Variants in GSPT1 observed in about 807,000 individuals in gnomAD.
GSPT1 encodes G1 to S phase transition 1, also known as eukaryotic peptide chain release factor GTP-binding subunit ERF3A.
In GSPT1, 20 loss-of-function variants were observed where a neutral mutation model predicts 72.5. That is an observed-to-expected ratio of 0.28 (90% CI 0.19 to 0.40). GSPT1 has a LOEUF of 0.40. Among genes scored for constraint, GSPT1 ranks in the 10% least tolerant of loss-of-function variants. The pLI is 1.00. For missense variants in GSPT1, 580 were observed against 811.9 expected, an observed-to-expected ratio of 0.71 and a Z score of 3.47; for synonymous variants, 334 against 293.5, an observed-to-expected ratio of 1.14 and a Z score of -1.41.
At chr16:11,895,739 G>GT (rs1412882843) in intron 4 of GSPT1, 1 of 152,314 alleles carries the variant, frequency 6.6e-6, no homozygotes, top group African/African-American at 2.4e-5. Flanking sequence ...CAATTCTCCT[G>GT]CCTCAGCCTC....
chr16:11,889,786 G>A (rs1021015386), intron 6 of GSPT1, among the ~76,000 whole-genome samples: 2 of 150,218 alleles, frequency 1.3e-5, no homozygotes, highest in South Asian at 2.1e-4. Flanking sequence ...GATTACAGGC[G>A]TGAGACACTG....
intron 6 of GSPT1, among the ~76,000 whole-genome samples, chr16:11,890,416 T>C (rs970222903): frequency 3.9e-5 from 6 of 152,164 alleles, no homozygotes; most frequent in African/African-American, 1.2e-4. Context: ...CCATCCGTAA[T>C]AGTGGGCATT....
At chr16:11,891,275 A>G (rs2054255350) in intron 5 of GSPT1, 136 bp from the exon 6 acceptor site, 1 of 269,096 alleles carries the variant, frequency 3.7e-6, no homozygotes, top group African/African-American at 2.3e-5. Flanking sequence ...GTCTAAAAAA[A>G]TATAAAATAT....
At chr16:11,901,778 T>C (rs891636978) in intron 1 of GSPT1, among the ~76,000 whole-genome samples, 1 of 146,158 alleles carries the variant, frequency 6.8e-6, no homozygotes, top group Non-Finnish European at 1.5e-5. Flanking sequence ...GGTGAAAGAG[T>C]GAGACCCTGT....
At chr16:11,900,142 C>T (rs950074340) in intron 1 of GSPT1, among the ~76,000 whole-genome samples, 2 of 151,746 alleles carry the variant, frequency 1.3e-5, no homozygotes, top group South Asian at 4.2e-4. Flanking sequence ...AAGACCAACC[C>T]GGCCAACATG....
rs1567434167 is a variant in GSPT1 at position 11,876,066 on chromosome 16, A to G, written c.1692+20T>C. The G allele has an allele frequency of 1.3e-6, 2 of 1,532,276 alleles. No homozygotes were observed. The highest frequency in any genetic ancestry group is 1.8e-6 in the Non-Finnish European group (2 of 1,106,140). The allele number at this position is 1,532,276 out of a possible 1,614,324, so 94.9% of individuals were successfully genotyped here. On this transcript the variant is annotated intron_variant, in intron 13 of 14. Coordinates refer to ENST00000434724, the MANE Select transcript of GSPT1 (RefSeq NM_002094.4). ...TAAAACAGTATTAAAACAGAAATAA[A>G]CCAATTATCTTAAACTCACTGTTAT...
chr16:11,914,501 A>G (rs1407148797), intron 1 of GSPT1, among the ~76,000 whole-genome samples: 1 of 152,252 alleles, frequency 6.6e-6, no homozygotes, highest in Non-Finnish European at 1.5e-5. Flanking sequence ...CGTGAGAACT[A>G]TTAAATTATA....
In GSPT1 at chr16:11,870,874, C is replaced by G. The variant is rs896641741; in HGVS notation, c.*2245G>C. 1.3e-5 allele frequency: 2 copies of G among 152,166 alleles called. No individual in the cohort carries two copies. Among genetic ancestry groups the G allele is most frequent in the African/African-American group, 4.8e-5 (2 of 41,428 alleles). 9.4% of individuals were successfully genotyped at this position (152,166 alleles called of 1,614,324 possible). On this transcript the variant is annotated 3_prime_UTR_variant, in exon 15 of 15. Coordinates refer to ENST00000434724, the MANE Select transcript of GSPT1 (RefSeq NM_002094.4). Reference sequence around the variant, plus strand: ...CCCTTCACAGTTGATATCCAAGTTACTTAAGAGTCTTGGCAACATGCACAT... The same window carrying G: ...CCCTTCACAGTTGATATCCAAGTTAGTTAAGAGTCTTGGCAACATGCACAT...
At chr16:11,890,850 C>T (rs556507475) in intron 6 of GSPT1, 1 of 360,038 alleles carries the variant, frequency 2.8e-6, no homozygotes, top group South Asian at 5.2e-5. Flanking sequence ...ACAAGTCTAT[C>T]ACCAGATATA....
chr16:11,913,917 C>A (rs1362275240), intron 1 of GSPT1, among the ~76,000 whole-genome samples: 1 of 152,208 alleles, frequency 6.6e-6, no homozygotes, highest in Non-Finnish European at 1.5e-5. Flanking sequence ...CCAAATCAAC[C>A]GTGCTGACGT....
chr16:11,894,620 T>C lies in GSPT1; in HGVS notation c.698+334A>G, dbSNP rs145355528. 5.0e-4 allele frequency among the ~76,000 whole-genome samples: 76 copies of C among 152,320 alleles called. No homozygotes were observed. In the East Asian group the frequency reaches 0.01, roughly 20 times the overall value. Reference sequence around the variant, plus strand: ...AAGCTTTCAGAAACACATTTAACACTAGTAATAATCACATTACAAAAACTA... The same window carrying C: ...AAGCTTTCAGAAACACATTTAACACCAGTAATAATCACATTACAAAAACTA... On this transcript the variant is annotated intron_variant, in intron 5 of 14. Transcript: ENST00000434724.
chr16:11,893,060 G>A (rs568256636), intron 5 of GSPT1, among the ~76,000 whole-genome samples: 2 of 151,924 alleles, frequency 1.3e-5, no homozygotes, highest in East Asian at 3.9e-4. Context: ...AATTATTTCA[G>A]AATATAGTAG....
At chr16:11,911,290 G>A (rs1009496945) in intron 1 of GSPT1, among the ~76,000 whole-genome samples, 2 of 152,206 alleles carry the variant, frequency 1.3e-5, no homozygotes, top group Non-Finnish European at 2.9e-5. Context: ...CTTCTGAGAT[G>A]TTCCAGCTTA....
chr16:11,900,997 A>C (rs1404928888), intron 1 of GSPT1, among the ~76,000 whole-genome samples: 1 of 151,988 alleles, frequency 6.6e-6, no homozygotes, highest in Non-Finnish European at 1.5e-5. Flanking sequence ...GTACCAAAAA[A>C]AGAAAAACAA....
At chr16:11,905,045 G>A (rs1303391668) in intron 1 of GSPT1, among the ~76,000 whole-genome samples, 2 of 152,230 alleles carry the variant, frequency 1.3e-5, no homozygotes, top group Non-Finnish European at 1.5e-5. Context: ...TCCAGCCTGG[G>A]TGACAGAGTA....
intron 11 of GSPT1, among the ~76,000 whole-genome samples, chr16:11,880,908 T>C (rs1210325343): frequency 6.6e-6 from 1 of 152,242 alleles, no homozygotes; most frequent in Non-Finnish European, 1.5e-5. Flanking sequence ...TCTTTTTTAT[T>C]TGATATTTGA....
chr16:11,887,208 T>C lies in GSPT1; in HGVS notation c.958-277A>G, dbSNP rs573136375. Among the ~76,000 whole-genome samples, 14 of 152,190 alleles carry C rather than the reference T, an allele frequency of 9.2e-5. No homozygotes were observed. In the South Asian group the frequency reaches 2.9e-3, roughly 32 times the overall value. ...ATTGTAACTACAAAGGAAAAAAAAT[T>C]GTGATCTACTACCAGTACATTGTGA... On this transcript the variant is annotated intron_variant, in intron 7 of 14. Transcript: ENST00000434724.
At chr16:11,874,766 T>G (rs934611712) in intron 14 of GSPT1, among the ~76,000 whole-genome samples, 6 of 152,212 alleles carry the variant, frequency 3.9e-5, no homozygotes, top group Non-Finnish European at 8.8e-5. Flanking sequence ...CCTGACACTT[T>G]GTAGATACAA....
rs1423729568 is a variant in GSPT1, at chr16:11,897,774, CA to C, written c.436+65del. 4 of 785,614 alleles carry C rather than the reference CA, an allele frequency of 5.1e-6. No homozygotes were observed. The African/African-American group carries it at 6.9e-5, about 13-fold the overall frequency. The allele number at this position is 785,614 out of a possible 1,614,324, so 48.7% of individuals were successfully genotyped here. A position where few individuals can be genotyped will look rare whatever the true frequency, so the allele number is the denominator to read the frequency against. Reference sequence around the variant, plus strand: ...TACAATAATCGTAACTTACATAATGCACCTTAAATCTTGAGAGTGAAAGAGT... The same window carrying C: ...TACAATAATCGTAACTTACATAATGCCCTTAAATCTTGAGAGTGAAAGAGT... On this transcript the variant is annotated intron_variant, in intron 3 of 14. Coordinates refer to ENST00000434724, the MANE Select transcript of GSPT1 (RefSeq NM_002094.4).
Sources: gnomAD v4.1 joint callset for allele counts (sites outside exome capture counted in the v4.1 genomes callset) on GRCh38, gnomAD v4.1.1 for gene constraint, MANE v1.5 for transcripts, NCBI Gene and HGNC (gene_info 2026-07-23, HGNC 2026-07-21) for gene names.